Variants in WDR26 observed in about 807,000 individuals in gnomAD.
WDR26 encodes WD repeat-containing protein 26.
WDR26 carries 5 observed loss-of-function variants against 84.1 expected under a neutral mutation model. The observed-to-expected ratio is 0.06, with a 90% CI of 0.03 to 0.13. The LOEUF (loss-of-function observed/expected upper bound fraction) is 0.13, where lower values mean the gene tolerates loss of function less well. Among genes scored for constraint, WDR26 ranks in the 10% least tolerant of loss-of-function variants. The pLI, the probability that WDR26 is intolerant of heterozygous loss-of-function variation, is 1.00. For missense variants in WDR26, 642 were observed against 974.9 expected, an observed-to-expected ratio of 0.66 and a Z score of 4.55; for synonymous variants, 415 against 389.6, an observed-to-expected ratio of 1.07 and a Z score of -0.77.
At chr1:224,415,805 A>C (rs2102910345) in intron 6 of WDR26, among the ~76,000 whole-genome samples, 1 of 152,344 alleles carries the variant, frequency 6.6e-6, no homozygotes, top group East Asian at 1.9e-4. Flanking sequence ...GAAGAGCCTA[A>C]GGAGTAGCCA....
intron 6 of WDR26, among the ~76,000 whole-genome samples, chr1:224,411,932 T>A (rs1287068767): frequency 2.0e-5 from 3 of 151,950 alleles, no homozygotes; most frequent in Admixed American, 6.6e-5. Flanking sequence ...GCCTGGGAGT[T>A]AAGAGGCTGC....
Position 224,434,595 on chromosome 1 carries a change from T to G in WDR26, c.-190A>C, listed in dbSNP as rs1572229510. ...TTCCCCCCCCCCTCCCGGAGGCAGC[T>G]CGGGGTGCGCGGCCCGGGGGTCGCG... On this transcript the variant is annotated 5_prime_UTR_variant, in exon 1 of 14. Transcript: ENST00000414423. The G allele has an allele frequency of 2.5e-5, 11 of 438,726 alleles. No homozygotes were observed. The highest frequency in any genetic ancestry group is 3.2e-5 in the Non-Finnish European group (11 of 343,700). The allele number at this position is 438,726 out of a possible 1,614,324, so 27.2% of individuals were successfully genotyped here. A position where few individuals can be genotyped will look rare whatever the true frequency, so the allele number is the denominator to read the frequency against.
chr1:224,429,868 C>G (rs1292299624), intron 3 of WDR26: 1 of 151,972 alleles, frequency 6.6e-6, no homozygotes, highest in East Asian at 1.9e-4. Flanking sequence ...TTACTATAAA[C>G]AAATAAGAAA....
intron 7 of WDR26, among the ~76,000 whole-genome samples, chr1:224,405,798 G>A (rs1337009949): frequency 6.6e-6 from 1 of 152,230 alleles, no homozygotes; most frequent in Non-Finnish European, 1.5e-5. Flanking sequence ...GGCTGCAAGA[G>A]TTGACATGTT....
chr1:224,410,370 A>G (rs1230658024), intron 7 of WDR26, among the ~76,000 whole-genome samples: 1 of 151,960 alleles, frequency 6.6e-6, no homozygotes, highest in East Asian at 1.9e-4. Flanking sequence ...ATAGTTCCTT[A>G]ACCTATCCGG....
chr1:224,419,231 A>AT (rs1673988886), intron 5 of WDR26, among the ~76,000 whole-genome samples: 1 of 152,148 alleles, frequency 6.6e-6, no homozygotes, highest in African/African-American at 2.4e-5. Flanking sequence ...TGGTTTACAT[A>AT]TTTTTTTCTC....
chr1:224,424,786 G>A lies in WDR26; in HGVS notation c.928-132C>T, dbSNP rs1572209477. 9 of 1,175,182 alleles carry A rather than the reference G, an allele frequency of 7.7e-6. No individual in the cohort carries two copies. The East Asian group carries it at 2.0e-4, about 27-fold the overall frequency. 72.8% of individuals were successfully genotyped at this position (1,175,182 alleles called of 1,614,324 possible). ...ATAACTTTTTATAAAGCTTCAAGAT[G>A]ACTCAAAATATTTTAGTTTAGTAGA... On this transcript the variant is annotated intron_variant, in intron 3 of 13. Transcript: ENST00000414423.
At chr1:224,410,906 G>A (rs1021615352) in intron 7 of WDR26, among the ~76,000 whole-genome samples, 2 of 152,030 alleles carry the variant, frequency 1.3e-5, no homozygotes, top group Admixed American at 1.3e-4. Context: ...TGTCCAGGCT[G>A]CTCTTGAACT....
chr1:224,430,684 T>C (rs1674366851), intron 3 of WDR26: 1 of 152,202 alleles, frequency 6.6e-6, no homozygotes, highest in South Asian at 2.1e-4. Flanking sequence ...GAAACTGCTT[T>C]TGACAACAAA....
Position 224,431,628 on chromosome 1 carries a change from C to T in WDR26, c.823-47G>A, listed in dbSNP as rs754035397. On this transcript the variant is annotated intron_variant, in intron 2 of 13. Coordinates refer to ENST00000414423, the MANE Select transcript of WDR26 (RefSeq NM_001379403.1). ...AAAAACAGAAATGTCACAAAATGCA[C>T]ATCAAATCTGTAATTTTAGCAGCAG... 47 of 1,610,072 alleles carry T rather than the reference C, an allele frequency of 2.9e-5. 1 individual carries two copies. The East Asian group carries it at 1.0e-3, about 36-fold the overall frequency.
chr1:224,390,932 T>C (rs1673106244), intron 13 of WDR26, among the ~76,000 whole-genome samples: 1 of 152,218 alleles, frequency 6.6e-6, no homozygotes, highest in Non-Finnish European at 1.5e-5. Flanking sequence ...ACTATATCTA[T>C]GTTGTCTATA....
chr1:224,418,448 T>C (rs1553359055), intron 5 of WDR26, 32 bp from the exon 6 acceptor site: 3 of 1,560,626 alleles, frequency 1.9e-6, no homozygotes, highest in Non-Finnish European at 1.7e-6. Context: ...AAAAGAGAAA[T>C]AATAATAAAC....
rs372830029 is a variant in WDR26, at chr1:224,411,410, C to G, written c.1458+17G>C. 6.3e-7 allele frequency: 1 copy of G among 1,593,320 alleles called. No homozygotes were observed. Among genetic ancestry groups the G allele is most frequent in the African/African-American group, 1.3e-5 (1 of 74,116 alleles). ...TATCCCCTTTTGTAATATAAACACT[C>G]ATATTGGGGTACATACCGGATCAAC... On this transcript the variant is annotated intron_variant, in intron 7 of 13. Transcript: ENST00000414423.
intron 7 of WDR26, among the ~76,000 whole-genome samples, chr1:224,409,897 C>T (rs1173356707): frequency 6.6e-6 from 1 of 151,760 alleles, no homozygotes; most frequent in Non-Finnish European, 1.5e-5. Context: ...AAAATTATTT[C>T]CATCTGTGGC....
At chr1:224,403,805 C>T (rs1465939904) in intron 8 of WDR26, among the ~76,000 whole-genome samples, 2 of 152,030 alleles carry the variant, frequency 1.3e-5, no homozygotes, top group African/African-American at 4.8e-5. Context: ...GGCGTTGTGG[C>T]GGGTGCCTGT....
intron 6 of WDR26, among the ~76,000 whole-genome samples, chr1:224,415,735 C>T (rs1010683699): frequency 6.6e-6 from 1 of 152,160 alleles, no homozygotes; most frequent in Non-Finnish European, 1.5e-5. Flanking sequence ...ACTGGGATTA[C>T]AGGCGTGAGC....
chr1:224,418,230 G>A (rs1381775346), intron 6 of WDR26, 30 bp downstream of exon 6: 19 of 1,574,022 alleles, frequency 1.2e-5, no homozygotes, highest in Non-Finnish European at 1.6e-5. Flanking sequence ...ATGTTAGGCT[G>A]TTTCAGAATA....
At chr1:224,415,445 A>ATTTTTTTTT (rs1673867020) in intron 6 of WDR26, among the ~76,000 whole-genome samples, 1 of 126,782 alleles carries the variant, frequency 7.9e-6, no homozygotes, top group African/African-American at 3.5e-5. Flanking sequence ...TGGAACACGT[A>ATTTTTTTTT]TTTCTTTCTT....
In WDR26 at chr1:224,425,355, A is replaced by G. The variant is rs543233789; in HGVS notation, c.928-701T>C. ...AGATGGTTGAACTTAAAGGTTTTTA[A>G]AAAGATTCAATATTTGTACTTGTGT... On this transcript the variant is annotated intron_variant, in intron 3 of 13. Coordinates refer to ENST00000414423, the MANE Select transcript of WDR26 (RefSeq NM_001379403.1). Among the ~76,000 whole-genome samples the G allele has an allele frequency of 2.6e-5, 4 of 152,340 alleles. No individual in the cohort carries two copies. In the East Asian group the frequency reaches 7.7e-4, roughly 29 times the overall value.
Sources: gnomAD v4.1 joint callset for allele counts (sites outside exome capture counted in the v4.1 genomes callset) on GRCh38, gnomAD v4.1.1 for gene constraint, MANE v1.5 for transcripts, NCBI Gene and HGNC (gene_info 2026-07-23, HGNC 2026-07-21) for gene names.